The following PCGF5 variants were observed in gnomAD, a reference collection of about 807,000 sequenced individuals.
PCGF5 encodes polycomb group ring finger 5.
Under a neutral mutation model 44.3 loss-of-function variants are expected in PCGF5, and 9 were observed. The ratio of observed to expected loss-of-function variants is 0.20; its 90% CI spans 0.12 to 0.35. The LOEUF is 0.35. Among genes scored for constraint, PCGF5 ranks in the 10% least tolerant of loss-of-function variants. The pLI is 1.00. For synonymous variants in PCGF5, 95 were observed against 102.5 expected (o/e 0.93, Z 0.44); for missense variants, 146 against 305.3 (o/e 0.48, Z 3.89).
In PCGF5 at chr10:91,248,489, C is replaced by G. The variant is rs375129964; in HGVS notation, c.210-16C>G. The G allele has an allele frequency of 3.7e-5, 60 of 1,603,650 alleles. No individual in the cohort carries two copies. Among genetic ancestry groups the G allele is most frequent in the Admixed American group, 6.7e-5 (4 of 59,800 alleles). On this transcript the variant is annotated splice_polypyrimidine_tract_variant and intron_variant, in intron 3 of 9. Transcript: ENST00000336126. ...TGTCTTCATTGTTAGTATTTTCTTTCTCCCCCCTTTCGAAGGTTGGACAAT... is the reference window on the plus strand; with the variant it reads ...TGTCTTCATTGTTAGTATTTTCTTTGTCCCCCCTTTCGAAGGTTGGACAAT...
intron 3 of PCGF5, among the ~76,000 whole-genome samples, chr10:91,240,864 C>G (rs1396379832): frequency 6.6e-6 from 1 of 151,494 alleles, no homozygotes; most frequent in African/African-American, 2.4e-5. Flanking sequence ...TTTTAATAGT[C>G]CATGTTATGT....
chr10:91,243,516 A>G (rs1845381872), intron 3 of PCGF5, among the ~76,000 whole-genome samples: 1 of 152,156 alleles, frequency 6.6e-6, no homozygotes, highest in Non-Finnish European at 1.5e-5. Context: ...CCAAGAAAGA[A>G]TAAATGACTC....
At chr10:91,265,847 C>T (rs563121521) in intron 8 of PCGF5, among the ~76,000 whole-genome samples, 2 of 152,236 alleles carry the variant, frequency 1.3e-5, no homozygotes, top group African/African-American at 4.8e-5. Context: ...TGAACGCTTT[C>T]GCTAGCAGCA....
At chr10:91,274,115 A>G (rs1846250409) in intron 9 of PCGF5, among the ~76,000 whole-genome samples, 1 of 145,446 alleles carries the variant, frequency 6.9e-6, no homozygotes, top group African/African-American at 2.8e-5. Flanking sequence ...CAATCTGTGT[A>G]TGTATATATA....
chr10:91,274,534 G>A (rs921270921), intron 9 of PCGF5, among the ~76,000 whole-genome samples: 31 of 152,270 alleles, frequency 2.0e-4, no homozygotes, highest in African/African-American at 6.5e-4. Context: ...CTAGGCCTTC[G>A]AGGTTACAGA....
upstream of PCGF5, among the ~76,000 whole-genome samples, chr10:91,162,723 C>G (rs1348944349): frequency 6.6e-6 from 1 of 151,020 alleles, no homozygotes; most frequent in Non-Finnish European, 1.5e-5. Flanking sequence ...GGCGGCGGCT[C>G]GAGGAGGCCT....
At chr10:91,181,499 A>G (rs556436259) in intron 1 of PCGF5, among the ~76,000 whole-genome samples, 2 of 152,144 alleles carry the variant, frequency 1.3e-5, no homozygotes, top group Non-Finnish European at 2.9e-5. Flanking sequence ...GGTTTGTCAT[A>G]TATCACTTTT....
chr10:91,216,579 A>C (rs183405939), upstream of PCGF5, among the ~76,000 whole-genome samples: 113 of 152,334 alleles, frequency 7.4e-4, 1 homozygote, highest in East Asian at 0.019. Flanking sequence ...GTGCTGTGGA[A>C]GATGCTTTGG....
rs994693732 is a variant in PCGF5 at position 91,281,264 on chromosome 10, A to G, written c.*2948A>G. 9 of 152,434 alleles carry G rather than the reference A, an allele frequency of 5.9e-5. No individual in the cohort carries two copies. The highest frequency in any genetic ancestry group is 4.6e-4 in the Admixed American group (7 of 15,268). The allele number at this position is 152,434 out of a possible 1,614,324, so 9.4% of individuals were successfully genotyped here. A position where few individuals can be genotyped will look rare whatever the true frequency, so the allele number is the denominator to read the frequency against. The stretch of plus-strand genomic sequence containing the variant: ...CTTTTAACTACTCTTAGAGGAGTAT[A>G]TTATTTCTTTATACATTAAACATCT... On this transcript the variant is annotated 3_prime_UTR_variant, in exon 10 of 10. Transcript: ENST00000336126.
upstream of PCGF5, among the ~76,000 whole-genome samples, chr10:91,161,758 A>G (rs12259673): frequency 2.3e-3 from 345 of 152,310 alleles, 1 homozygote; most frequent in African/African-American, 8.1e-3. Flanking sequence ...TTGCGGACCT[A>G]TCAGGAGAGC....
chr10:91,225,628 G>A (rs138006904), intron 2 of PCGF5, among the ~76,000 whole-genome samples: 2 of 151,916 alleles, frequency 1.3e-5, no homozygotes, highest in Non-Finnish European at 2.9e-5. Flanking sequence ...TGTATTGTTT[G>A]TTTGTATTTA....
intron 1 of PCGF5, among the ~76,000 whole-genome samples, chr10:91,212,590 T>C (rs1359714460): frequency 6.6e-6 from 1 of 152,198 alleles, no homozygotes; most frequent in East Asian, 1.9e-4. Context: ...AGATAGAGAA[T>C]TGAATCTGAA....
Position 91,209,543 on chromosome 10 carries a change from T to A in PCGF5, c.-183-13146T>A, listed in dbSNP as rs1301296299. 1.7e-3 allele frequency among the ~76,000 whole-genome samples: 2 copies of A among 1,150 alleles called. 1 individual carries two copies. Among genetic ancestry groups the A allele is most frequent in the African/African-American group, 0.042 (2 of 48 alleles). The allele number at this position is 1,150 out of a possible 152,430, so 0.8% of individuals were successfully genotyped here. A position where few individuals can be genotyped will look rare whatever the true frequency, so the allele number is the denominator to read the frequency against. On this transcript the variant is annotated intron_variant, in intron 1 of 9. Transcript: ENST00000614189. Reference sequence around the variant, plus strand: ...AGGCCGAGGCGGGTGGATCATGAGGTCAGGAGATCGAGACCATCCTGGCTA... The same window carrying A: ...AGGCCGAGGCGGGTGGATCATGAGGACAGGAGATCGAGACCATCCTGGCTA...
rs572830381 is a variant in PCGF5, at chr10:91,221,734, A to C, written c.-184+898A>C. ...ACATATTTTACAGTTAAAAAAAAAA[A>C]AAAACCTGAGACAGGAAAGTAGCAT... On this transcript the variant is annotated intron_variant, in intron 1 of 9. Transcript: ENST00000336126. Among the ~76,000 whole-genome samples the C allele has an allele frequency of 2.7e-3, 415 of 152,334 alleles. 3 individuals are homozygous for C. Among genetic ancestry groups the C allele is most frequent in the African/African-American group, 9.5e-3 (393 of 41,570 alleles).
intron 9 of PCGF5, among the ~76,000 whole-genome samples, chr10:91,272,774 G>C (rs761484647): frequency 3.3e-5 from 5 of 152,000 alleles, no homozygotes; most frequent in Non-Finnish European, 5.9e-5. Flanking sequence ...CTCTGTTTCA[G>C]ACAAACAAAT....
In PCGF5 at chr10:91,238,601, C is replaced by CTTTTTTTTTTTTTTTTTTTTTTT. The variant is rs71487496; in HGVS notation, c.113-1875_113-1853dup. Among the ~76,000 whole-genome samples, 46 of 58,490 alleles carry CTTTTTTTTTTTTTTTTTTTTTTT rather than the reference C, an allele frequency of 7.9e-4. 1 individual carries two copies. Among genetic ancestry groups the CTTTTTTTTTTTTTTTTTTTTTTT allele is most frequent in the East Asian group, 1.5e-3 (3 of 1,946 alleles). 38.4% of individuals were successfully genotyped at this position (58,490 alleles called of 152,430 possible). A position where few individuals can be genotyped will look rare whatever the true frequency, so the allele number is the denominator to read the frequency against. ...CTCTCATTTCTTTCTTTCTTTCTTT[C>CTTTTTTTTTTTTTTTTTTTTTTT]TTTTTTTTTTTTTTTTTTTTTTTTT... On this transcript the variant is annotated intron_variant, in intron 2 of 9. Transcript: ENST00000336126.
chr10:91,160,315 A>G (rs999264379), upstream of PCGF5, among the ~76,000 whole-genome samples: 2 of 152,224 alleles, frequency 1.3e-5, no homozygotes, highest in African/African-American at 4.8e-5. Context: ...AAGATGTAGG[A>G]TAAGAAGAAA....
At chr10:91,275,644 G>T (rs1340380426) in intron 9 of PCGF5, among the ~76,000 whole-genome samples, 1 of 148,674 alleles carries the variant, frequency 6.7e-6, no homozygotes, top group African/African-American at 2.5e-5. Flanking sequence ...TAGTAGAGGC[G>T]GGGTTTCACC....
chr10:91,278,310 C>T lies in PCGF5; in HGVS notation c.765C>T (p.Phe255=), dbSNP rs191746944. The T allele has an allele frequency of 2.4e-5, 39 of 1,611,472 alleles. No individual in the cohort carries two copies. The highest frequency in any genetic ancestry group is 1.3e-4 in the East Asian group (6 of 44,860). ...TGCAGTATCGACCAAGAATTGATTT[C>T]GGTTAGACCAAGGGGCCCAGACCTC... ...MVLQYRPRID[F]G is the part of the protein sequence containing the mutation. Residue 255 remains phenylalanine, a synonymous_variant, in exon 10 of 10, where the codon TTC becomes TTT. Transcript: ENST00000336126.
Sources: gnomAD v4.1 joint callset for allele counts (sites outside exome capture counted in the v4.1 genomes callset) on GRCh38, gnomAD v4.1.1 for gene constraint, MANE v1.5 for transcripts, NCBI Gene and HGNC (gene_info 2026-07-23, HGNC 2026-07-21) for gene names.